Variants in SERINC3 observed in about 807,000 individuals in gnomAD.
The protein encoded by SERINC3 is tumor differentially expressed protein 1.
A neutral mutation model predicts 52.1 loss-of-function variants in SERINC3; 22 were observed. That is an observed-to-expected ratio of 0.42 (90% CI 0.30 to 0.60). SERINC3 has a LOEUF of 0.60. SERINC3 is among the 20% of genes least tolerant of loss of function. SERINC3 has a pLI of 0.16. For synonymous variants in SERINC3, 226 were observed against 212.7 expected (o/e 1.06, Z -0.54); for missense variants, 564 against 584.6 (o/e 0.96, Z 0.36).
In SERINC3 at chr20:44,503,947, G is replaced by C; in HGVS notation, c.923C>G (p.Ala308Gly). The C allele has an allele frequency of 6.2e-7, 1 of 1,604,140 alleles. No homozygotes were observed. The highest frequency in any genetic ancestry group is 1.1e-5 in the South Asian group (1 of 88,512). Residue 308 changes from alanine (A) to glycine (G), a missense_variant, in exon 8 of 10, where the codon GCA becomes GGA. Coordinates refer to ENST00000342374, the MANE Select transcript of SERINC3 (RefSeq NM_006811.4). ...TGAATTTCCAGGAGCCAGGGTTGGT[G>C]CAGTTATGCGTGTAATAAAGCTCAT... ...NLMSFITRIT[A>G]PTLAPGNSTA...
intron 1 of SERINC3, among the ~76,000 whole-genome samples, chr20:44,518,517 TGAA>T (rs1568792010): frequency 6.6e-6 from 1 of 152,088 alleles, no homozygotes. Flanking sequence ...TTTAAGATCA[TGAA>T]GAAGCTGGAA....
chr20:44,500,438 A>C lies in SERINC3; in HGVS notation c.1284-4T>G. 6.4e-7 allele frequency: 1 copy of C among 1,558,230 alleles called. No individual in the cohort carries two copies. The highest frequency in any genetic ancestry group is 8.7e-7 in the Non-Finnish European group (1 of 1,150,186). On this transcript the variant is annotated splice_region_variant and splice_polypyrimidine_tract_variant and intron_variant, in intron 9 of 9. Transcript: ENST00000342374. The stretch of plus-strand genomic sequence containing the variant: ...GCTCTGAAACTTTGCATCAGGGCTA[A>C]GAAAACAAGAGAGAGTCAGGTAGAA...
rs535165307 is a variant in SERINC3, at chr20:44,516,681, T to C, written c.40-2641A>G. ...GGCTGGGATTACATGCATGAGCCAA[T>C]GCACCCGGCCTTTGTTTTGTTTTGT... On this transcript the variant is annotated intron_variant, in intron 1 of 9. Transcript: ENST00000342374. Among the ~76,000 whole-genome samples the C allele has an allele frequency of 3.9e-5, 6 of 152,282 alleles. No individual in the cohort carries two copies. In the East Asian group the frequency reaches 1.2e-3, roughly 29 times the overall value.
Position 44,504,815 on chromosome 20 carries a change from A to G in SERINC3, c.860T>C (p.Met287Thr), listed in dbSNP as rs754602527. ...CATTCCCTTACCAGGTTCATTGGAC[A>G]TGGCTGACCAGGTGAGGTACATAGT... Reference protein sequence around the residue: ...LYTMYLTWSAMSNEPDRSCNP... With the variant: ...LYTMYLTWSATSNEPDRSCNP... Residue 287 changes from methionine to threonine, a missense_variant, in exon 7 of 10, where the codon ATG (methionine) becomes ACG (threonine). By Grantham distance (81) the Met-to-Thr change is moderately conservative. Coordinates refer to ENST00000342374, the MANE Select transcript of SERINC3 (RefSeq NM_006811.4). The G allele has an allele frequency of 6.2e-7, 1 of 1,610,012 alleles. No individual in the cohort carries two copies. Among genetic ancestry groups the G allele is most frequent in the Non-Finnish European group, 8.5e-7 (1 of 1,176,818 alleles).
chr20:44,516,254 A>G (rs2064380073), intron 1 of SERINC3, among the ~76,000 whole-genome samples: 2 of 152,052 alleles, frequency 1.3e-5, no homozygotes, highest in Admixed American at 1.3e-4. Flanking sequence ...GTGAGCCAAG[A>G]TTGTGCCACT....
At position 44,521,919 on chromosome 20, in the gene SERINC3, G is replaced by A. The variant is rs776147517; in HGVS notation, c.33C>T (p.Ala11=). The change falls in exon 1 of 10, where the codon GCC becomes GCT. Residue 11 remains alanine (A), a synonymous_variant. Coordinates refer to ENST00000342374, the MANE Select transcript of SERINC3 (RefSeq NM_006811.4). ...CTCGGGACCCCGAACTCACCCAGCT[G>A]GCGAGGGAGAAGACACCCAGCACAG... is the stretch of plus-strand genomic sequence containing the variant. The part of the protein sequence containing the change: MGAVLGVFSL[A]SWVPCLCSGA... 37 of 1,610,876 alleles carry A rather than the reference G, an allele frequency of 2.3e-5. No homozygotes were observed. The highest frequency in any genetic ancestry group is 3.1e-5 in the Non-Finnish European group (37 of 1,178,656).
intron 6 of SERINC3, 109 bp from the exon 7 acceptor site, chr20:44,505,000 C>T (rs370590753): frequency 4.6e-4 from 341 of 738,014 alleles, no homozygotes; most frequent in Non-Finnish European, 6.4e-4. Flanking sequence ...TGAGAACTTT[C>T]GGATTCTTCT....
intron 6 of SERINC3, among the ~76,000 whole-genome samples, chr20:44,505,213 G>C (rs2064303730): frequency 6.6e-6 from 1 of 152,156 alleles, no homozygotes; most frequent in South Asian, 2.1e-4. Flanking sequence ...AGCTGGGAGA[G>C]GCCTATCACT....
Position 44,498,247 on chromosome 20 carries a change from C to T in SERINC3, c.*2049G>A, listed in dbSNP as rs556211926. On this transcript the variant is annotated 3_prime_UTR_variant, in exon 10 of 10. Transcript: ENST00000342374. ...ACCAGAATCACTCAGAAATCTACCT[C>T]TCCTTCATATTATTCATAACTGCCA... 7.2e-5 allele frequency: 11 copies of T among 152,270 alleles called. No homozygotes were observed. The highest frequency in any genetic ancestry group is 2.6e-4 in the African/African-American group (11 of 41,550). 9.4% of individuals were successfully genotyped at this position (152,270 alleles called of 1,614,324 possible).
intron 1 of SERINC3, 27 bp downstream of exon 1, chr20:44,521,886 G>A (rs781780900): frequency 1.2e-6 from 2 of 1,600,172 alleles, no homozygotes; most frequent in East Asian, 2.3e-5. Flanking sequence ...CCGCAGGTCC[G>A]GCGAGGACTC....
At chr20:44,520,419 A>G (rs1467034862) in intron 1 of SERINC3, among the ~76,000 whole-genome samples, 1 of 152,196 alleles carries the variant, frequency 6.6e-6, no homozygotes, top group Admixed American at 6.5e-5. Context: ...TATTAATAGT[A>G]GCCATAAAAA....
rs1032146817 is a variant in SERINC3 at position 44,502,893 on chromosome 20, C to T, written c.1055+922G>A. On this transcript the variant is annotated intron_variant, in intron 8 of 9. Coordinates refer to ENST00000342374, the MANE Select transcript of SERINC3 (RefSeq NM_006811.4). Reference sequence around the variant, plus strand: ...AATACAGGCATGAGCCACCATGCCTCGTCACCAATCATATCTCTATACACT... The same window carrying T: ...AATACAGGCATGAGCCACCATGCCTTGTCACCAATCATATCTCTATACACT... 2.2e-4 allele frequency among the ~76,000 whole-genome samples: 33 copies of T among 152,080 alleles called. 1 individual carries two copies. Among genetic ancestry groups the T allele is most frequent in the African/African-American group, 7.5e-4 (31 of 41,416 alleles).
At chr20:44,505,291 ATATC>A (rs1334458686) in intron 6 of SERINC3, among the ~76,000 whole-genome samples, 1 of 152,050 alleles carries the variant, frequency 6.6e-6, no homozygotes, top group African/African-American at 2.4e-5. Context: ...TTCATATTTC[ATATC>A]TATAACTCCA....
intron 9 of SERINC3, among the ~76,000 whole-genome samples, chr20:44,500,777 A>G (rs1600807701): frequency 6.6e-6 from 1 of 152,270 alleles, no homozygotes; most frequent in Non-Finnish European, 1.5e-5. Context: ...CGGGAACCAG[A>G]ATGCTCTGAC....
Position 44,501,105 on chromosome 20 carries a change from C to G in SERINC3, c.1251G>C (p.Leu417Phe). 6.2e-7 allele frequency: 1 copy of G among 1,614,016 alleles called. No individual in the cohort carries two copies. The highest frequency in any genetic ancestry group is 8.5e-7 in the Non-Finnish European group (1 of 1,179,978). The change falls in exon 9 of 10, where the codon TTG (leucine) becomes TTC (phenylalanine). Residue 417 changes from leucine (L) to phenylalanine (F), a missense_variant. Coordinates refer to ENST00000342374, the MANE Select transcript of SERINC3 (RefSeq NM_006811.4). ...LFHLMLCLAS[L>F]YIMMTLTSWY... ...AGCTGGTCAGGGTCATCATGATGTA[C>G]AAGGAAGCCAAGCAGAGCATGAGGT...
chr20:44,520,333 A>G (rs1438020439), intron 1 of SERINC3, among the ~76,000 whole-genome samples: 3 of 152,222 alleles, frequency 2.0e-5, no homozygotes, highest in Admixed American at 6.5e-5. Flanking sequence ...ACTGCCCCAG[A>G]CAGAGCATGG....
At position 44,500,270 on chromosome 20, in the gene SERINC3, C is replaced by T; in HGVS notation, c.*26G>A. 6.2e-7 allele frequency: 1 copy of T among 1,602,274 alleles called. No homozygotes were observed. The highest frequency in any genetic ancestry group is 8.5e-7 in the Non-Finnish European group (1 of 1,173,014). On this transcript the variant is annotated 3_prime_UTR_variant, in exon 10 of 10. Transcript: ENST00000342374. ...CGGTGAAGGAGACCTTTGTGAGTTC[C>T]AGTGGTGTCCTTGGCACTCAGAGGT...
At chr20:44,506,312 G>A (rs1489450846) in intron 6 of SERINC3, among the ~76,000 whole-genome samples, 7 of 145,886 alleles carry the variant, frequency 4.8e-5, no homozygotes, top group East Asian at 4.1e-4. Context: ...ACTCATTCCC[G>A]GCCAGGCGTG....
rs1568786612 is a variant in SERINC3, at chr20:44,506,839, G to A, written c.771C>T (p.His257=). Residue 257 remains histidine, a synonymous_variant, in exon 6 of 10, where the codon CAC becomes CAT. Coordinates refer to ENST00000342374, the MANE Select transcript of SERINC3 (RefSeq NM_006811.4). ...TAAACAATCATACCTGAATTTTTGG[G>A]TGGATCGATATAATAGAAGCCACAA... ...LCVVASIISI[H]PKIQEHQPRS... is the part of the protein sequence containing the mutation. The A allele has an allele frequency of 1.3e-6, 2 of 1,569,698 alleles. No homozygotes were observed. The highest frequency in any genetic ancestry group is 8.6e-7 in the Non-Finnish European group (1 of 1,161,482).
Sources: allele counts gnomAD v4.1 joint callset (sites outside exome capture counted in the v4.1 genomes callset), GRCh38; gene constraint gnomAD v4.1.1; transcripts MANE v1.5; gene names NCBI Gene and HGNC (gene_info 2026-07-23, HGNC 2026-07-21).